LRRC7: variants seen among roughly 807,000 people sequenced by gnomAD.
LRRC7 encodes the protein leucine-rich repeat-containing protein 7.
Under a neutral mutation model 175.7 loss-of-function variants are expected in LRRC7, and 23 were observed. The observed-to-expected ratio is 0.13, with a 90% CI of 0.09 to 0.19. The LOEUF (loss-of-function observed/expected upper bound fraction) is 0.19, where lower values mean the gene tolerates loss of function less well. Ranked by LOEUF, LRRC7 falls within the 10% of genes least tolerant of loss-of-function variation. The pLI, the probability that LRRC7 is intolerant of heterozygous loss-of-function variation, is 1.00. For missense variants in LRRC7, 1,354 were observed against 1,904.7 expected (o/e 0.71, Z 5.38); for synonymous variants, 685 against 680.9 (o/e 1.01, Z -0.09).
chr1:69,575,457 G>A (rs1215140153), intron 1 of LRRC7, among the ~76,000 whole-genome samples: 1 of 152,044 alleles, frequency 6.6e-6, no homozygotes, highest in Non-Finnish European at 1.5e-5. Flanking sequence ...TTTGGCTTAA[G>A]CATTTTGGAC....
At chr1:70,028,395 G>C in intron 18 of LRRC7, 24 bp downstream of exon 18, 1 of 1,601,972 alleles carries the variant, frequency 6.2e-7, no homozygotes, top group Non-Finnish European at 8.5e-7. Flanking sequence ...ATTGGTAATT[G>C]CCAGTGTGGT....
intron 4 of LRRC7, among the ~76,000 whole-genome samples, chr1:69,803,810 C>T (rs923024353): frequency 2.0e-5 from 3 of 151,234 alleles, no homozygotes; most frequent in African/African-American, 4.8e-5. Context: ...GTATTATCCA[C>T]AGTTTTCTCT....
At chr1:70,029,930 T>C (rs766409993) in intron 18 of LRRC7, among the ~76,000 whole-genome samples, 2 of 152,170 alleles carry the variant, frequency 1.3e-5, no homozygotes, top group African/African-American at 2.4e-5. Context: ...TGCTTTTGCT[T>C]TCATGTTCCT....
intron 26 of LRRC7, among the ~76,000 whole-genome samples, chr1:70,118,205 C>T (rs770338128): frequency 6.6e-6 from 1 of 151,974 alleles, no homozygotes; most frequent in Non-Finnish European, 1.5e-5. Flanking sequence ...TTTGATTCCC[C>T]GTCTGAACTA....
chr1:69,781,694 A>G (rs1318675981), intron 3 of LRRC7, among the ~76,000 whole-genome samples: 1 of 25,252 alleles, frequency 4.0e-5, no homozygotes, highest in Admixed American at 5.2e-4. Flanking sequence ...AAAAGAAGAA[A>G]GAAAGAAAGA....
At chr1:70,003,483 A>G (rs1175833486) in intron 11 of LRRC7, among the ~76,000 whole-genome samples, 2 of 152,232 alleles carry the variant, frequency 1.3e-5, no homozygotes, top group Non-Finnish European at 2.9e-5. Context: ...AAGAACTTAG[A>G]GCAATTTAAA....
chr1:70,099,894 T>C (rs1013197024), intron 25 of LRRC7, among the ~76,000 whole-genome samples: 1 of 152,160 alleles, frequency 6.6e-6, no homozygotes, highest in African/African-American at 2.4e-5. Context: ...CTTTAAAGGA[T>C]TTATAAAATA....
intron 7 of LRRC7, among the ~76,000 whole-genome samples, chr1:69,918,684 A>C (rs556807712): frequency 2.6e-5 from 4 of 152,200 alleles, no homozygotes; most frequent in Admixed American, 6.5e-5. Flanking sequence ...AAGGTACAAA[A>C]CGTAGGGAAA....
At chr1:70,119,448 A>G (rs982868939) in intron 26 of LRRC7, among the ~76,000 whole-genome samples, 1 of 151,734 alleles carries the variant, frequency 6.6e-6, no homozygotes, top group Non-Finnish European at 1.5e-5. Context: ...TTCCTGTTTC[A>G]TCTCTTTCTT....
chr1:69,834,441 C>A (rs1169606017), intron 5 of LRRC7, among the ~76,000 whole-genome samples: 1 of 152,040 alleles, frequency 6.6e-6, no homozygotes, highest in Non-Finnish European at 1.5e-5. Context: ...TTTAAAATTA[C>A]AAACAAGCCA....
intron 1 of LRRC7, among the ~76,000 whole-genome samples, chr1:69,657,485 T>G (rs895226684): frequency 1.3e-5 from 2 of 151,828 alleles, no homozygotes; most frequent in African/African-American, 4.8e-5. Context: ...AGTATAAGAT[T>G]CCCAAGGATC....
chr1:69,718,172 G>GAAAGAAAGAAAGAA (rs762929332), intron 2 of LRRC7, among the ~76,000 whole-genome samples: 1 of 142,892 alleles, frequency 7.0e-6, no homozygotes, highest in Admixed American at 7.0e-5. Context: ...AAGAAAGAAA[G>GAAAGAAAGAAAGAA]AAGAAAAGAA....
chr1:70,038,460 C>T lies in LRRC7; in HGVS notation c.2636C>T (p.Pro879Leu), dbSNP rs1465202870. 2.5e-6 allele frequency: 4 copies of T among 1,614,032 alleles called. No individual in the cohort carries two copies. Among genetic ancestry groups the T allele is most frequent in the South Asian group, 1.1e-5 (1 of 91,092 alleles). Residue 879 changes from proline to leucine, a missense_variant, in exon 21 of 27, where the codon CCT (proline) becomes CTT (leucine). Around this residue, in one of 4 missense-constraint regions of LRRC7, gnomAD observed 1,032 missense variants for 1,227.2 expected, o/e 0.84. Coordinates refer to ENST00000651989, the MANE Select transcript of LRRC7 (RefSeq NM_001370785.2). ...GAAACAGAAGTGCCTCCTTCCAATC[C>T]TTGGCAGAATTGGACCAGAACCCCT... ...TPETEVPPSN[P>L]WQNWTRTPSP...
intron 1 of LRRC7, among the ~76,000 whole-genome samples, chr1:69,622,739 G>A (rs1399719689): frequency 6.6e-6 from 1 of 152,098 alleles, no homozygotes; most frequent in Non-Finnish European, 1.5e-5. Flanking sequence ...AATCATATGT[G>A]TTGCTTTTCC....
intron 1 of LRRC7, among the ~76,000 whole-genome samples, chr1:69,670,163 G>A (rs190343756): frequency 1.3e-5 from 2 of 152,184 alleles, no homozygotes; most frequent in East Asian, 3.9e-4. Flanking sequence ...TCTGGCCATT[G>A]AAGAGTTAGA....
At chr1:69,867,421 A>T (rs1464359099) in intron 7 of LRRC7, among the ~76,000 whole-genome samples, 6 of 152,210 alleles carry the variant, frequency 3.9e-5, no homozygotes, top group Non-Finnish European at 8.8e-5. Flanking sequence ...GTACAGAGCC[A>T]TACGAAAGGA....
At chr1:69,798,234 A>G (rs12062758) in intron 4 of LRRC7, among the ~76,000 whole-genome samples, 4,126 of 152,140 alleles carry the variant, frequency 0.027, 165 homozygotes, top group African/African-American at 0.09. Flanking sequence ...TGCATTTTTT[A>G]ACTTTATGGC....
At chr1:69,757,471 C>G (rs922154592) in intron 2 of LRRC7, among the ~76,000 whole-genome samples, 1 of 151,878 alleles carries the variant, frequency 6.6e-6, no homozygotes, top group African/African-American at 2.4e-5. Flanking sequence ...GAAGAATTCC[C>G]ATGGAGCAGA....
intron 2 of LRRC7, among the ~76,000 whole-genome samples, chr1:69,741,326 A>T (rs1032943626): frequency 6.6e-6 from 1 of 152,010 alleles, no homozygotes; most frequent in Non-Finnish European, 1.5e-5. Flanking sequence ...ATAACTGGGT[A>T]TCGTGGGGTT....
Sources: gnomAD v4.1 joint callset for allele counts (sites outside exome capture counted in the v4.1 genomes callset) on GRCh38, gnomAD v4.1.1 for gene constraint, gnomAD v4.1.1 regional missense constraint, MANE v1.5 for transcripts, NCBI Gene and HGNC (gene_info 2026-07-23, HGNC 2026-07-21) for gene names.